The following MRTFB variants were observed in gnomAD, a reference collection of about 807,000 sequenced individuals.
The protein encoded by MRTFB is myocardin related transcription factor B.
A neutral mutation model predicts 104.2 loss-of-function variants in MRTFB; 29 were observed. The ratio of observed to expected loss-of-function variants is 0.28; its 90% CI spans 0.21 to 0.38. The LOEUF (loss-of-function observed/expected upper bound fraction) is 0.38, where lower values mean the gene tolerates loss of function less well. Ranked by LOEUF, MRTFB falls within the 10% of genes least tolerant of loss-of-function variation. The probability of loss-of-function intolerance (pLI) is 1.00; values close to 1 mark genes in which losing one functional copy is unlikely to be tolerated. For synonymous variants in MRTFB, 535 were observed against 519.5 expected (o/e 1.03, Z -0.41); for missense variants, 1,270 against 1,341.6 (o/e 0.95, Z 0.83).
chr16:14,068,963 C>CT (rs989515330), upstream of MRTFB, among the ~76,000 whole-genome samples: 2,449 of 100,174 alleles, frequency 0.024, 307 homozygotes, highest in African/African-American at 0.065. Flanking sequence ...GATTCTCCAG[C>CT]TTTTTTTTTT....
chr16:14,086,588 A>G (rs576653973), intron 2 of MRTFB, among the ~76,000 whole-genome samples: 1 of 152,234 alleles, frequency 6.6e-6, no homozygotes, highest in South Asian at 2.1e-4. Flanking sequence ...TTTGTGGCTG[A>G]TGGTATAATC....
intron 8 of MRTFB, among the ~76,000 whole-genome samples, chr16:14,232,345 A>G (rs551158460): frequency 9.2e-5 from 14 of 152,326 alleles, no homozygotes; most frequent in African/African-American, 2.9e-4. Context: ...AGGAAAACCA[A>G]CCACGTAAAG....
intron 8 of MRTFB, among the ~76,000 whole-genome samples, chr16:14,225,943 C>T (rs560736628): frequency 1.3e-5 from 2 of 152,260 alleles, no homozygotes; most frequent in East Asian, 3.9e-4. Context: ...GACCTTACTG[C>T]AGAACACCTT....
At chr16:14,017,699 ATATATATATATATTTTTT>A in the MRTFB span, among the ~76,000 whole-genome samples, 1 of 28,734 alleles carries the variant, frequency 3.5e-5, no homozygotes, top group Admixed American at 5.8e-4. Context: ...ATATATATAT[ATATATATATATATTTTTT>A]TTTTTTTTTT....
At chr16:14,023,975 T>C in the MRTFB span, among the ~76,000 whole-genome samples, 1 of 151,410 alleles carries the variant, frequency 6.6e-6, no homozygotes, top group Non-Finnish European at 1.5e-5. Context: ...CACTTGAACC[T>C]GGGAGGCAGA....
At chr16:14,099,523 C>T (rs555336976) in intron 2 of MRTFB, among the ~76,000 whole-genome samples, 4 of 150,634 alleles carry the variant, frequency 2.7e-5, no homozygotes, top group Non-Finnish European at 5.9e-5. Context: ...CCACCATGTC[C>T]GGCTAATTTT....
chr16:14,094,804 G>C (rs1186646356), intron 2 of MRTFB, among the ~76,000 whole-genome samples: 2 of 152,226 alleles, frequency 1.3e-5, no homozygotes, highest in African/African-American at 2.4e-5. Flanking sequence ...CTGCACTCCA[G>C]GAGCATCATT....
At chr16:14,210,633 A>G (rs1221602442) in intron 4 of MRTFB, among the ~76,000 whole-genome samples, 1 of 152,184 alleles carries the variant, frequency 6.6e-6, no homozygotes, top group African/African-American at 2.4e-5. Context: ...ATACTAATGG[A>G]TTTGAAATTC....
At chr16:14,214,672 A>G (rs772205976) in intron 6 of MRTFB, among the ~76,000 whole-genome samples, 1 of 152,206 alleles carries the variant, frequency 6.6e-6, no homozygotes, top group Non-Finnish European at 1.5e-5. Context: ...ATTTTTGCTA[A>G]TAAACAAGCA....
chr16:14,190,890 C>T (rs1729685092), intron 3 of MRTFB, among the ~76,000 whole-genome samples: 1 of 152,156 alleles, frequency 6.6e-6, no homozygotes, highest in African/African-American at 2.4e-5. Flanking sequence ...TCCAGTTCTG[C>T]CACAGACTGG....
At chr16:13,999,130 C>T in the MRTFB span, among the ~76,000 whole-genome samples, 2 of 148,404 alleles carry the variant, frequency 1.3e-5, no homozygotes, top group East Asian at 4.0e-4. Context: ...GTGGAGGTTG[C>T]AGTGAGCTGA....
At chr16:14,096,005 G>A (rs2187665) in intron 2 of MRTFB, among the ~76,000 whole-genome samples, 29,772 of 152,046 alleles carry the variant, frequency 0.2, 4,907 homozygotes, top group African/African-American at 0.44. Context: ...GGTTAGTACA[G>A]TTGTTCTTTT....
the MRTFB span, among the ~76,000 whole-genome samples, chr16:14,048,915 G>A: frequency 6.6e-6 from 1 of 152,220 alleles, no homozygotes; most frequent in Non-Finnish European, 1.5e-5. Flanking sequence ...TGGTTGGGTT[G>A]AACTGGACAG....
chr16:14,075,808 G>A (rs1037120912), intron 1 of MRTFB, among the ~76,000 whole-genome samples: 8 of 152,288 alleles, frequency 5.3e-5, no homozygotes, highest in African/African-American at 1.9e-4. Flanking sequence ...CACTAAAATT[G>A]CTTGTCACCA....
chr16:14,093,338 A>G lies in MRTFB; in HGVS notation c.-64+13984A>G, dbSNP rs142189685. Reference sequence around the variant, plus strand: ...CTGCCACCCTTCCATATGACAAGATATTATAGTAAACTGCATATATTTTGT... The same window carrying G: ...CTGCCACCCTTCCATATGACAAGATGTTATAGTAAACTGCATATATTTTGT... On this transcript the variant is annotated intron_variant, in intron 2 of 16. Coordinates refer to ENST00000571589, the MANE Select transcript of MRTFB (RefSeq NM_001308142.2). Among the ~76,000 whole-genome samples the G allele has an allele frequency of 1.5e-3, 224 of 152,178 alleles. 4 individuals carry two copies. In the East Asian group the frequency reaches 0.034, roughly 23 times the overall value.
At chr16:14,087,669 CTAATG>C (rs1567307237) in intron 2 of MRTFB, among the ~76,000 whole-genome samples, 1 of 152,166 alleles carries the variant, frequency 6.6e-6, no homozygotes, top group Non-Finnish European at 1.5e-5. Flanking sequence ...TCAGTCTGCT[CTAATG>C]TAACAAAGTT....
intron 3 of MRTFB, among the ~76,000 whole-genome samples, chr16:14,174,458 G>A (rs574725613): frequency 3.9e-5 from 6 of 152,250 alleles, no homozygotes; most frequent in East Asian, 3.9e-4. Flanking sequence ...TGAGGTAGGC[G>A]GATCACTTGA....
intron 2 of MRTFB, among the ~76,000 whole-genome samples, chr16:14,098,695 C>T (rs779886258): frequency 2.0e-5 from 3 of 152,172 alleles, no homozygotes; most frequent in Non-Finnish European, 4.4e-5. Flanking sequence ...TGGGTTTACA[C>T]TTTGGTATAT....
the MRTFB span, among the ~76,000 whole-genome samples, chr16:14,036,540 T>C: frequency 6.7e-6 from 1 of 149,158 alleles, no homozygotes; most frequent in Non-Finnish European, 1.5e-5. Flanking sequence ...AAATTATACA[T>C]TCCATCATTT....
Sources: allele counts gnomAD v4.1 joint callset (sites outside exome capture counted in the v4.1 genomes callset), GRCh38; gene constraint gnomAD v4.1.1; transcripts MANE v1.5; gene names NCBI Gene and HGNC (gene_info 2026-07-23, HGNC 2026-07-21).